Variants in NDRG2 observed in about 807,000 individuals in gnomAD.
NDRG2 encodes NDRG family member 2.
In NDRG2, 34 loss-of-function variants were observed where a neutral mutation model predicts 58.2. The ratio of observed to expected loss-of-function variants is 0.58; its 90% CI spans 0.44 to 0.78. The LOEUF is 0.78. NDRG2 is among the 30% of genes least tolerant of loss of function. The pLI is 0.00. For synonymous variants in NDRG2, 187 were observed against 175.9 expected (o/e 1.06, Z -0.50); for missense variants, 434 against 471.2 (o/e 0.92, Z 0.73).
At position 21,032,183 on chromosome 14, in the gene NDRG2, C is replaced by G. The variant is rs1884247333; in HGVS notation, c.25-8862G>C. Reference sequence around the variant, plus strand: ...TGTGTGCAGCAGCCAAAATCTCTGTCTGTGAGGGACAGATGAGCCTACTAG... The same window carrying G: ...TGTGTGCAGCAGCCAAAATCTCTGTGTGTGAGGGACAGATGAGCCTACTAG... On this transcript the variant is annotated intron_variant, in intron 1 of 14. Coordinates refer to the NDRG2 transcript ENST00000403829. The G allele has an allele frequency of 1.6e-5, 19 of 1,191,056 alleles. No homozygotes were observed. The South Asian group carries it at 2.3e-4, about 14-fold the overall frequency. The allele number at this position is 1,191,056 out of a possible 1,614,324, so 73.8% of individuals were successfully genotyped here.
intron 6 of NDRG2, chr14:21,021,049 AT>A: frequency 1.5e-6 from 1 of 680,126 alleles, no homozygotes; most frequent in Admixed American, 2.0e-5. Flanking sequence ...CCTGAAGTCT[AT>A]CCCCAGCTTT....
At chr14:21,068,967 A>T (rs961858900) in intron 1 of NDRG2, among the ~76,000 whole-genome samples, 2 of 152,342 alleles carry the variant, frequency 1.3e-5, no homozygotes, top group South Asian at 4.1e-4. Flanking sequence ...AACTGCCCAG[A>T]GGCTCCGGCC....
chr14:21,053,538 A>G (rs1482404286), intron 1 of NDRG2, among the ~76,000 whole-genome samples: 1 of 152,108 alleles, frequency 6.6e-6, no homozygotes, highest in East Asian at 1.9e-4. Context: ...GAGGCAGGAG[A>G]ATCGCTTGAA....
At chr14:21,031,450 GA>G (rs1230703500) in intron 1 of NDRG2, among the ~76,000 whole-genome samples, 1 of 152,186 alleles carries the variant, frequency 6.6e-6, no homozygotes, top group Non-Finnish European at 1.5e-5. Flanking sequence ...TTAGTGTAGA[GA>G]ATTTGGTACC....
At chr14:21,020,413 A>G in intron 8 of NDRG2, 83 bp downstream of exon 8, 3 of 1,082,400 alleles carry the variant, frequency 2.8e-6, no homozygotes, top group Non-Finnish European at 4.2e-6. Context: ...GAGTCCATCC[A>G]GTTAGGCTAT....
intron 1 of NDRG2, chr14:21,033,320 G>A (rs1234319433): frequency 1.0e-5 from 3 of 300,798 alleles, no homozygotes; most frequent in Non-Finnish European, 1.9e-5. Context: ...TGAGTCTGAG[G>A]GCCTCAGGGA....
intron 1 of NDRG2, among the ~76,000 whole-genome samples, chr14:21,053,685 T>C (rs1046198352): frequency 1.3e-5 from 2 of 151,922 alleles, no homozygotes; most frequent in Non-Finnish European, 2.9e-5. Flanking sequence ...AGGCCTGTAG[T>C]CCCAGCTACT....
At chr14:21,044,433 C>T (rs73585981) in intron 1 of NDRG2, among the ~76,000 whole-genome samples, 199 of 152,314 alleles carry the variant, frequency 1.3e-3, no homozygotes, top group African/African-American at 4.7e-3. Flanking sequence ...TTCCTTTGAC[C>T]TTAAGGGACT....
chr14:21,030,812 C>T, upstream of NDRG2: 9 of 1,586,872 alleles, frequency 5.7e-6, no homozygotes, highest in Admixed American at 1.7e-5. Flanking sequence ...TAGTTGGCCA[C>T]GGAAGGGTTC....
At chr14:21,017,809 A>C (rs1240300293) in intron 15 of NDRG2, 47 bp from the exon 16 acceptor site, 1 of 1,605,126 alleles carries the variant, frequency 6.2e-7, no homozygotes, top group African/African-American at 1.3e-5. Context: ...GAAGTGGGGA[A>C]GGGGGGCTGG....
chr14:21,017,818 G>A, intron 15 of NDRG2, 56 bp from the exon 16 acceptor site: 1 of 1,605,368 alleles, frequency 6.2e-7, no homozygotes, highest in Non-Finnish European at 8.5e-7. Flanking sequence ...AAGGGGGGCT[G>A]GCGACTCAGG....
At chr14:21,044,428 T>C (rs1392203225) in intron 1 of NDRG2, among the ~76,000 whole-genome samples, 1 of 152,160 alleles carries the variant, frequency 6.6e-6, no homozygotes, top group Non-Finnish European at 1.5e-5. Flanking sequence ...CACATTTCCT[T>C]TGACCTTAAG....
rs1229224412 is a variant in NDRG2 at position 21,070,796 on chromosome 14, G to A, written c.24+32C>T. 2.0e-6 allele frequency: 3 copies of A among 1,534,954 alleles called. No homozygotes were observed. Among genetic ancestry groups the A allele is most frequent in the Non-Finnish European group, 2.6e-6 (3 of 1,146,572 alleles). On this transcript the variant is annotated intron_variant, in intron 1 of 14. Coordinates refer to the NDRG2 transcript ENST00000403829. This position sits in a 1 kb window ranked among gnomAD's most constrained non-coding sequence, Gnocchi z 4.7. ...GGTTGGTCCTGCAGCGACCCTGGAA[G>A]AGGCCCGGCCCCTCGGGTCATGAGA...
intron 8 of NDRG2, 185 bp downstream of exon 8, chr14:21,020,304 AAAAAAAG>A (rs1165038104): frequency 1.8e-4 from 105 of 583,996 alleles, no homozygotes; most frequent in Non-Finnish European, 2.1e-5. Flanking sequence ...AAAAAAAAAA[AAAAAAAG>A]AAAAAGAAAA....
In NDRG2 at chr14:21,024,302, A is replaced by C. The variant is rs1392576068; in HGVS notation, c.-279T>G. The C allele has an allele frequency of 2.0e-6, 2 of 985,480 alleles. No homozygotes were observed. The highest frequency in any genetic ancestry group is 1.7e-5 in the African/African-American group (1 of 57,354). The allele number at this position is 985,480 out of a possible 1,614,324, so 61.0% of individuals were successfully genotyped here. The stretch of plus-strand genomic sequence containing the variant: ...AATCAATATAGGCTACAAGGGCATC[A>C]GTTCAGGCTGCGCGGAGGAGAGAAG... On this transcript the variant is annotated 5_prime_UTR_variant, in exon 1 of 16. Coordinates refer to ENST00000556147, the MANE Select transcript of NDRG2 (RefSeq NM_001320329.2).
At chr14:21,058,102 C>A (rs1244432712) in intron 1 of NDRG2, 1 of 1,614,084 alleles carries the variant, frequency 6.2e-7, no homozygotes, top group Non-Finnish European at 8.5e-7. Flanking sequence ...TCAACACCTT[C>A]CTGCACGAGC....
In NDRG2 at chr14:21,022,199, T is replaced by C; in HGVS notation, c.224-17A>G. ...AAGATTTATCTAAAGAGAACCCACA[T>C]CACCTCAACAATAGAATCAGACAGG... On this transcript the variant is annotated splice_polypyrimidine_tract_variant and intron_variant, in intron 4 of 15. Coordinates refer to ENST00000556147, the MANE Select transcript of NDRG2 (RefSeq NM_001320329.2). The C allele has an allele frequency of 3.1e-6, 5 of 1,614,078 alleles. No homozygotes were observed. Among genetic ancestry groups the C allele is most frequent in the Non-Finnish European group, 4.2e-6 (5 of 1,180,022 alleles).
At chr14:21,047,010 G>A (rs1356940326) in intron 1 of NDRG2, 2 of 152,160 alleles carry the variant, frequency 1.3e-5, no homozygotes, top group South Asian at 2.1e-4. Context: ...GAATGTAAGT[G>A]GACTTGCACA....
Position 21,017,243 on chromosome 14 carries a change from G to A in NDRG2, c.*353C>T. On this transcript the variant is annotated 3_prime_UTR_variant, in exon 16 of 16. Transcript: ENST00000556147. ...CCCTTGCAAATATGGGACAAGTAGG[G>A]AGAGTCTGATGGAGGCACCAGGACA... 1 of 380,868 alleles carries A rather than the reference G, an allele frequency of 2.6e-6. No homozygotes were observed. Among genetic ancestry groups the A allele is most frequent in the South Asian group, 2.1e-5 (1 of 47,778 alleles). 23.6% of individuals were successfully genotyped at this position (380,868 alleles called of 1,614,324 possible).
Sources: gnomAD v4.1 joint callset for allele counts (sites outside exome capture counted in the v4.1 genomes callset) on GRCh38, gnomAD v4.1.1 for gene constraint, Gnocchi (gnomAD v3.1) non-coding constraint, MANE v1.5 for transcripts, NCBI Gene and HGNC (gene_info 2026-07-23, HGNC 2026-07-21) for gene names.